Variants in AS3MT observed in about 807,000 individuals in gnomAD.
AS3MT encodes the protein S-adenosyl-L-methionine:arsenic(III) methyltransferase.
In AS3MT, 47 loss-of-function variants were observed where a neutral mutation model predicts 45.3. The observed-to-expected ratio is 1.04, with a 90% CI of 0.82 to 1.32. AS3MT has a LOEUF of 1.32. Among genes scored for constraint, AS3MT ranks in the 40% most tolerant of loss-of-function variants. The probability of loss-of-function intolerance (pLI) is 0.00; values close to 1 mark genes in which losing one functional copy is unlikely to be tolerated. For missense variants in AS3MT, 396 were observed against 451.1 expected (o/e 0.88, Z 1.11); for synonymous variants, 141 against 152.8 (o/e 0.92, Z 0.57).
At chr10:102,896,299 C>T (rs1845170266) in intron 10 of AS3MT, among the ~76,000 whole-genome samples, 1 of 150,204 alleles carries the variant, frequency 6.7e-6, no homozygotes, top group African/African-American at 2.4e-5. Context: ...CAACACTGTA[C>T]CCCAGCCTGG....
intron 10 of AS3MT, among the ~76,000 whole-genome samples, chr10:102,898,993 C>T (rs985447084): frequency 6.6e-6 from 1 of 152,188 alleles, no homozygotes; most frequent in Admixed American, 6.5e-5. Flanking sequence ...GGGTACCCCA[C>T]CTTTCATTTC....
intron 9 of AS3MT, among the ~76,000 whole-genome samples, chr10:102,879,345 TG>T (rs2134116413): frequency 6.6e-6 from 1 of 152,214 alleles, no homozygotes; most frequent in South Asian, 2.1e-4. Flanking sequence ...TTTGTAGAGA[TG>T]GGGTTTTGCC....
At chr10:102,869,993 G>A in intron 2 of AS3MT, 91 bp from the exon 3 acceptor site, 3 of 1,567,108 alleles carry the variant, frequency 1.9e-6, no homozygotes, top group Non-Finnish European at 2.6e-6. Context: ...GGTCGGCCAA[G>A]TGGAGGTGGA....
At chr10:102,900,509 A>T in intron 10 of AS3MT, 84 bp from the exon 11 acceptor site, 1 of 966,000 alleles carries the variant, frequency 1.0e-6, no homozygotes, top group Non-Finnish European at 1.7e-6. Context: ...GTGTAAGTCA[A>T]CCTAAATCAA....
chr10:102,889,683 C>T (rs1027982163), intron 9 of AS3MT, among the ~76,000 whole-genome samples: 3 of 148,932 alleles, frequency 2.0e-5, no homozygotes, highest in East Asian at 2.0e-4. Context: ...CTCCACCCCC[C>T]CCGCCCCTTT....
intron 9 of AS3MT, among the ~76,000 whole-genome samples, chr10:102,885,386 T>C (rs1422654655): frequency 6.6e-6 from 1 of 151,576 alleles, no homozygotes; most frequent in Non-Finnish European, 1.5e-5. Context: ...TGGAGTGCAG[T>C]GGCGTGATCT....
At chr10:102,870,449 G>A (rs1844659488) in intron 3 of AS3MT, among the ~76,000 whole-genome samples, 1 of 152,108 alleles carries the variant, frequency 6.6e-6, no homozygotes. Context: ...AGAGGATCGC[G>A]TGAGCCCAGA....
chr10:102,871,727 CAAACA>C (rs139792328), intron 3 of AS3MT, among the ~76,000 whole-genome samples: 252 of 148,218 alleles, frequency 1.7e-3, no homozygotes, highest in Admixed American at 5.3e-3. Context: ...GACTCCGTCT[CAAACA>C]AAACAAAACA....
chr10:102,890,529 T>C lies in AS3MT; in HGVS notation c.886-15T>C, dbSNP rs1350543060. The C allele has an allele frequency of 6.4e-7, 1 of 1,561,316 alleles. No individual in the cohort carries two copies. The highest frequency in any genetic ancestry group is 2.3e-5 in the East Asian group (1 of 44,136). ...AGTTGCAACTCTTAGTATTTTTTTT[T>C]ATACTACCCTTTAGGAAGGTGAAAT... On this transcript the variant is annotated splice_polypyrimidine_tract_variant and intron_variant, in intron 9 of 10. Coordinates refer to ENST00000369880, the MANE Select transcript of AS3MT (RefSeq NM_020682.4).
At chr10:102,895,832 A>G (rs1322322738) in intron 10 of AS3MT, among the ~76,000 whole-genome samples, 1 of 151,622 alleles carries the variant, frequency 6.6e-6, no homozygotes, top group African/African-American at 2.4e-5. Flanking sequence ...CTAGAGTGCA[A>G]TGGTGCGGTC....
At chr10:102,899,575 C>T (rs1234763695) in intron 10 of AS3MT, among the ~76,000 whole-genome samples, 1 of 152,042 alleles carries the variant, frequency 6.6e-6, no homozygotes, top group East Asian at 1.9e-4. Flanking sequence ...CTGCCTTGTA[C>T]ACCCCTCTAT....
chr10:102,883,203 T>A (rs1844894841), intron 9 of AS3MT, among the ~76,000 whole-genome samples: 1 of 151,066 alleles, frequency 6.6e-6, no homozygotes, highest in Admixed American at 6.6e-5. Context: ...CTGGTTCAAG[T>A]GATTTTCCTG....
intron 9 of AS3MT, among the ~76,000 whole-genome samples, chr10:102,886,906 CAA>C (rs2134123512): frequency 6.6e-6 from 1 of 152,302 alleles, no homozygotes; most frequent in African/African-American, 2.4e-5. Flanking sequence ...TGAAATCTTT[CAA>C]CTTTTTTGAT....
At chr10:102,877,748 C>CTTTTTTTT (rs751685577) in intron 7 of AS3MT, among the ~76,000 whole-genome samples, 5 of 105,230 alleles carry the variant, frequency 4.8e-5, no homozygotes, top group African/African-American at 7.0e-5. Context: ...GTGATAACTT[C>CTTTTTTTT]TTTTTTTTTT....
chr10:102,875,336 G>T (rs1417045431), intron 6 of AS3MT, among the ~76,000 whole-genome samples: 1 of 151,898 alleles, frequency 6.6e-6, no homozygotes, highest in Non-Finnish European at 1.5e-5. Flanking sequence ...AATTAGCTGG[G>T]TGTGGTGGTG....
rs1278507675 is a variant in AS3MT at position 102,900,887 on chromosome 10, C to T, written c.*187C>T. On this transcript the variant is annotated 3_prime_UTR_variant, in exon 11 of 11. Coordinates refer to ENST00000369880, the MANE Select transcript of AS3MT (RefSeq NM_020682.4). ...TCACCTGAGGTCAGGAGTTTGATACCAGCCTGGCCAACATGGTGAAATCCT... is the reference window on the plus strand; with the variant it reads ...TCACCTGAGGTCAGGAGTTTGATACTAGCCTGGCCAACATGGTGAAATCCT... 1 of 467,086 alleles carries T rather than the reference C, an allele frequency of 2.1e-6. No individual in the cohort carries two copies. Among genetic ancestry groups the T allele is most frequent in the African/African-American group, 2.0e-5 (1 of 50,654 alleles). The allele number at this position is 467,086 out of a possible 1,614,324, so 28.9% of individuals were successfully genotyped here.
intron 9 of AS3MT, among the ~76,000 whole-genome samples, chr10:102,886,560 T>G (rs1844961032): frequency 6.6e-6 from 1 of 151,820 alleles, no homozygotes; most frequent in Non-Finnish European, 1.5e-5. Flanking sequence ...CTCCTGACTC[T>G]GCCCGCCTCA....
chr10:102,879,052 A>G lies in AS3MT; in HGVS notation c.885+61A>G, dbSNP rs903037908. 5.2e-6 allele frequency: 8 copies of G among 1,541,534 alleles called. No homozygotes were observed. The African/African-American group carries it at 9.6e-5, about 19-fold the overall frequency. ...TTCTGCTCTTGCCCTTGCTCCAGCT[A>G]TCTTTTCTTGACTTTGCATTGCCTC... On this transcript the variant is annotated intron_variant, in intron 9 of 10. Coordinates refer to ENST00000369880, the MANE Select transcript of AS3MT (RefSeq NM_020682.4).
At chr10:102,876,051 C>A (rs149636802) in intron 6 of AS3MT, among the ~76,000 whole-genome samples, 3 of 151,974 alleles carry the variant, frequency 2.0e-5, no homozygotes, top group South Asian at 2.1e-4. Context: ...TCATTTTACA[C>A]GCCAGTTCAC....
Sources: allele counts gnomAD v4.1 joint callset (sites outside exome capture counted in the v4.1 genomes callset), GRCh38; gene constraint gnomAD v4.1.1; transcripts MANE v1.5; gene names NCBI Gene and HGNC (gene_info 2026-07-23, HGNC 2026-07-21).